CFAP57: variants seen among roughly 807,000 people sequenced by gnomAD.
The protein encoded by CFAP57 is cilia- and flagella-associated protein 57.
Under a neutral mutation model 146.8 loss-of-function variants are expected in CFAP57, and 116 were observed. That is an observed-to-expected ratio of 0.79 (90% CI 0.68 to 0.92). The LOEUF is 0.92. CFAP57 is among the 40% of genes least tolerant of loss of function. The probability of loss-of-function intolerance (pLI) is 0.00; values close to 1 mark genes in which losing one functional copy is unlikely to be tolerated. For synonymous variants in CFAP57, 518 were observed against 552.8 expected (o/e 0.94, Z 0.88); for missense variants, 1,377 against 1,527.2 (o/e 0.90, Z 1.64).
At chr1:43,212,144 C>T (rs183030845) in intron 11 of CFAP57, among the ~76,000 whole-genome samples, 20 of 152,270 alleles carry the variant, frequency 1.3e-4, no homozygotes, top group Admixed American at 1.2e-3. Flanking sequence ...AGCAAAATAT[C>T]AAACCAGAAA....
At chr1:43,220,731 C>G (rs1645011701) in intron 13 of CFAP57, among the ~76,000 whole-genome samples, 1 of 151,748 alleles carries the variant, frequency 6.6e-6, no homozygotes, top group Non-Finnish European at 1.5e-5. Context: ...CCCTCACCCC[C>G]TAAAGAAATC....
At chr1:43,202,781 TC>T (rs1174563153) in intron 9 of CFAP57, among the ~76,000 whole-genome samples, 1 of 140,912 alleles carries the variant, frequency 7.1e-6, no homozygotes, top group Non-Finnish European at 1.5e-5. Context: ...AGACCCTACC[TC>T]AAAAAAAAAA....
chr1:43,176,465 A>G (rs1280781342), intron 2 of CFAP57, among the ~76,000 whole-genome samples: 2 of 152,208 alleles, frequency 1.3e-5, no homozygotes, highest in Non-Finnish European at 2.9e-5. Flanking sequence ...CCCATTTTAT[A>G]GGCTCACAGA....
At chr1:43,190,632 T>C (rs1386282934) in intron 6 of CFAP57, among the ~76,000 whole-genome samples, 1 of 152,160 alleles carries the variant, frequency 6.6e-6, no homozygotes, top group Non-Finnish European at 1.5e-5. Context: ...ATACTGTTTA[T>C]CAGGCTGAAA....
chr1:43,219,717 C>T, intron 13 of CFAP57, 180 bp downstream of exon 13: 1 of 731,196 alleles, frequency 1.4e-6, no homozygotes, highest in Non-Finnish European at 2.1e-6. Flanking sequence ...TGGCTCATGC[C>T]TGTAATCCCA....
intron 6 of CFAP57, among the ~76,000 whole-genome samples, chr1:43,196,884 A>G (rs1222589943): frequency 6.6e-6 from 1 of 152,252 alleles, no homozygotes; most frequent in Non-Finnish European, 1.5e-5. Flanking sequence ...TACTAAGGAA[A>G]TAATCAGAGA....
chr1:43,200,765 T>C (rs1398591702), intron 9 of CFAP57, among the ~76,000 whole-genome samples: 2 of 152,134 alleles, frequency 1.3e-5, no homozygotes, highest in African/African-American at 2.4e-5. Context: ...TGAGCAATGA[T>C]AGAGGGAGTA....
At chr1:43,212,861 GAA>G (rs1644673008) in intron 11 of CFAP57, among the ~76,000 whole-genome samples, 1 of 148,378 alleles carries the variant, frequency 6.7e-6, no homozygotes. Flanking sequence ...TTGAACCTGA[GAA>G]GCAGAGATTT....
In CFAP57 at chr1:43,198,658, A is replaced by C; in HGVS notation, c.1428+12A>C. The C allele has an allele frequency of 6.6e-7, 1 of 1,504,306 alleles. No homozygotes were observed. Among genetic ancestry groups the C allele is most frequent in the Non-Finnish European group, 9.3e-7 (1 of 1,080,798 alleles). The allele number at this position is 1,504,306 out of a possible 1,614,324, so 93.2% of individuals were successfully genotyped here. ...GAGGATGCGGAGAGGTAAAAAAAAA[A>C]CTGCTGAAGACAAAAGTCCAGTTTC... On this transcript the variant is annotated intron_variant, in intron 8 of 22. Coordinates refer to ENST00000372492, the MANE Select transcript of CFAP57 (RefSeq NM_001378189.1).
chr1:43,249,841 T>G (rs948535267), intron 22 of CFAP57, among the ~76,000 whole-genome samples: 12 of 151,978 alleles, frequency 7.9e-5, no homozygotes, highest in African/African-American at 2.9e-4. Context: ...ACTCAGAAGA[T>G]TCACCTAACA....
chr1:43,182,412 C>G (rs945638490), intron 3 of CFAP57, among the ~76,000 whole-genome samples: 3 of 152,148 alleles, frequency 2.0e-5, no homozygotes, highest in African/African-American at 7.2e-5. Context: ...TTCACTCACC[C>G]TAGTCTAGGA....
intron 2 of CFAP57, among the ~76,000 whole-genome samples, chr1:43,176,151 G>C (rs1385371271): frequency 5.3e-5 from 8 of 152,122 alleles, no homozygotes; most frequent in Admixed American, 5.2e-4. Flanking sequence ...TTCAGGCCCA[G>C]GTTGAGTAGA....
At chr1:43,221,047 A>T (rs1645024174) in intron 13 of CFAP57, among the ~76,000 whole-genome samples, 1 of 152,174 alleles carries the variant, frequency 6.6e-6, no homozygotes, top group Admixed American at 6.5e-5. Flanking sequence ...TGTTGACAGC[A>T]ATGTGCTGGC....
intron 7 of CFAP57, among the ~76,000 whole-genome samples, chr1:43,198,064 C>G (rs369975534): frequency 6.6e-6 from 1 of 152,124 alleles, no homozygotes; most frequent in African/African-American, 2.4e-5. Flanking sequence ...ATCTTTCTCC[C>G]AGGACATCAC....
intron 15 of CFAP57, among the ~76,000 whole-genome samples, chr1:43,222,500 C>T (rs1168796415): frequency 6.6e-6 from 1 of 152,108 alleles, no homozygotes; most frequent in Non-Finnish European, 1.5e-5. Context: ...GTCACAAGTT[C>T]TGTGAGAGAA....
In CFAP57 at chr1:43,198,512, G is replaced by A. The variant is rs1295804610; in HGVS notation, c.1294G>A (p.Glu432Lys). 5 of 1,614,006 alleles carry A rather than the reference G, an allele frequency of 3.1e-6. No homozygotes were observed. Among genetic ancestry groups the A allele is most frequent in the Non-Finnish European group, 4.2e-6 (5 of 1,180,042 alleles). The change falls in exon 8 of 23, where the codon GAG becomes AAG. Residue 432 changes from glutamate to lysine, a missense_variant. By Grantham distance (56) the Glu-to-Lys change is moderately conservative. Coordinates refer to ENST00000372492, the MANE Select transcript of CFAP57 (RefSeq NM_001378189.1). ...GGAACTATTTAAGGAATACCAAGAAGAGGCATATTCCATCAGCCTTCATCC... is the reference window on the plus strand; with the variant it reads ...GGAACTATTTAAGGAATACCAAGAAAAGGCATATTCCATCAGCCTTCATCC... ...TLELFKEYQE[E>K]AYSISLHPSG...
chr1:43,232,271 A>G, intron 18 of CFAP57: 1 of 589,648 alleles, frequency 1.7e-6, no homozygotes, highest in Non-Finnish European at 3.0e-6. Flanking sequence ...CAGAGGGAAA[A>G]CTTCCCAGCC....
In CFAP57 at chr1:43,254,108, G is replaced by A. The variant is rs1376145509; in HGVS notation, c.3670G>A (p.Val1224Ile). ...AGACCAGATCCAAGAGCAAGAGCAGGTCACAGGGTTCCACACCCTCGCTGG... is the reference window on the plus strand; with the variant it reads ...AGACCAGATCCAAGAGCAAGAGCAGATCACAGGGTTCCACACCCTCGCTGG... ...LRDQIQEQEQVTGFHTLAGVR... is the reference protein window; with the variant it reads ...LRDQIQEQEQITGFHTLAGVR... Residue 1224 changes from valine to isoleucine, a missense_variant, in exon 23 of 23, where the codon GTC becomes ATC. Coordinates refer to ENST00000372492, the MANE Select transcript of CFAP57 (RefSeq NM_001378189.1). 2 of 1,550,694 alleles carry A rather than the reference G, an allele frequency of 1.3e-6. No homozygotes were observed. The highest frequency in any genetic ancestry group is 8.7e-7 in the Non-Finnish European group (1 of 1,147,038).
At chr1:43,224,233 C>G in intron 17 of CFAP57, 29 bp downstream of exon 17, 1 of 1,500,492 alleles carries the variant, frequency 6.7e-7, no homozygotes, top group Non-Finnish European at 8.9e-7. Context: ...CCTCCCTCAG[C>G]TACGGCCAGA....
Sources: allele counts gnomAD v4.1 joint callset (sites outside exome capture counted in the v4.1 genomes callset), GRCh38; gene constraint gnomAD v4.1.1; transcripts MANE v1.5; gene names NCBI Gene and HGNC (gene_info 2026-07-23, HGNC 2026-07-21).